DNER: variants seen among roughly 807,000 people sequenced by gnomAD.
DNER encodes the protein delta/notch like EGF repeat containing.
In DNER, 33 loss-of-function variants were observed where a neutral mutation model predicts 78.2. The observed-to-expected ratio is 0.42, with a 90% CI of 0.32 to 0.56. DNER has a LOEUF of 0.56. Among genes scored for constraint, DNER ranks in the 20% least tolerant of loss-of-function variants. The probability of loss-of-function intolerance (pLI) is 0.11; values close to 1 mark genes in which losing one functional copy is unlikely to be tolerated. For missense variants in DNER, 918 were observed against 975.3 expected, an observed-to-expected ratio of 0.94 and a Z score of 0.78; for synonymous variants, 417 against 384.8, an observed-to-expected ratio of 1.08 and a Z score of -0.98.
intron 9 of DNER, among the ~76,000 whole-genome samples, chr2:229,413,515 G>T (rs1022902448): frequency 6.6e-6 from 1 of 150,932 alleles, no homozygotes; most frequent in African/African-American, 2.4e-5. Flanking sequence ...TAGAGATGGG[G>T]TTTCACCATG....
chr2:229,714,028 C>T (rs1056699456), intron 1 of DNER, 120 bp downstream of exon 1: 3 of 1,043,044 alleles, frequency 2.9e-6, no homozygotes, highest in Non-Finnish European at 3.7e-6. Context: ...CCATCTTCTT[C>T]CCAAAGTGGG....
At chr2:229,679,482 T>C (rs771841952) in intron 1 of DNER, among the ~76,000 whole-genome samples, 37 of 152,200 alleles carry the variant, frequency 2.4e-4, no homozygotes, top group Non-Finnish European at 4.6e-4. Context: ...TACTACCCTG[T>C]CCTATTCCTT....
At chr2:229,363,985 C>CCTTT (rs1692278574) in intron 12 of DNER, among the ~76,000 whole-genome samples, 8 of 77,808 alleles carry the variant, frequency 1.0e-4, no homozygotes, top group African/African-American at 3.6e-4. Flanking sequence ...CAATTCTCTG[C>CCTTT]TTTTTTTTTT....
At chr2:229,640,986 A>C (rs1023881264) in intron 1 of DNER, among the ~76,000 whole-genome samples, 5 of 152,166 alleles carry the variant, frequency 3.3e-5, no homozygotes, top group Admixed American at 2.0e-4. Context: ...GCAAGCAGGA[A>C]GAGAAGGTGG....
intron 1 of DNER, among the ~76,000 whole-genome samples, chr2:229,693,464 G>A (rs555463338): frequency 7.2e-5 from 11 of 152,056 alleles, no homozygotes; most frequent in South Asian, 4.2e-4. Context: ...CTTTGGATCC[G>A]GAACCATTTG....
At chr2:229,536,661 T>C (rs1047766094) in intron 5 of DNER, among the ~76,000 whole-genome samples, 1 of 152,214 alleles carries the variant, frequency 6.6e-6, no homozygotes, top group Non-Finnish European at 1.5e-5. Flanking sequence ...TTTCTGCTCT[T>C]GGGCATAAAA....
At chr2:229,680,203 C>T (rs995864460) in intron 1 of DNER, among the ~76,000 whole-genome samples, 1 of 152,146 alleles carries the variant, frequency 6.6e-6, no homozygotes, top group South Asian at 2.1e-4. Flanking sequence ...TTCATCTCAA[C>T]ATATGGTCCC....
intron 6 of DNER, among the ~76,000 whole-genome samples, chr2:229,511,029 G>A (rs997909786): frequency 6.6e-6 from 1 of 152,086 alleles, no homozygotes; most frequent in Non-Finnish European, 1.5e-5. Context: ...AAGAATATAC[G>A]AAATATTAAC....
chr2:229,629,067 T>C (rs1309296508), intron 1 of DNER, among the ~76,000 whole-genome samples: 3 of 152,216 alleles, frequency 2.0e-5, no homozygotes, highest in Non-Finnish European at 4.4e-5. Context: ...TTTTGCCTGG[T>C]GGTTGGCTGA....
intron 9 of DNER, among the ~76,000 whole-genome samples, chr2:229,412,924 A>G (rs1400919616): frequency 6.6e-6 from 1 of 152,218 alleles, no homozygotes; most frequent in African/African-American, 2.4e-5. Flanking sequence ...TAGTGGAATG[A>G]TGTGGACAAG....
intron 7 of DNER, among the ~76,000 whole-genome samples, chr2:229,448,270 A>T (rs185455150): frequency 1.1e-4 from 16 of 152,354 alleles, no homozygotes; most frequent in African/African-American, 3.8e-4. Flanking sequence ...TAGGCACGAA[A>T]TACTACATAT....
At chr2:229,623,168 C>T (rs556106689) in intron 1 of DNER, among the ~76,000 whole-genome samples, 1 of 152,224 alleles carries the variant, frequency 6.6e-6, no homozygotes, top group Non-Finnish European at 1.5e-5. Flanking sequence ...GCAATAGTCC[C>T]CTCCTCTAAT....
chr2:229,438,605 C>T (rs1694174663), intron 8 of DNER, among the ~76,000 whole-genome samples: 1 of 152,186 alleles, frequency 6.6e-6, no homozygotes, highest in Admixed American at 6.5e-5. Flanking sequence ...ATAGTCGCTA[C>T]TCTAGTCAAA....
chr2:229,486,760 C>T (rs1695284495), intron 6 of DNER, among the ~76,000 whole-genome samples: 1 of 152,138 alleles, frequency 6.6e-6, no homozygotes, highest in South Asian at 2.1e-4. Context: ...TTGGATCTCT[C>T]AGTTTTTATA....
At chr2:229,511,317 T>C (rs1449406062) in intron 6 of DNER, among the ~76,000 whole-genome samples, 1 of 152,212 alleles carries the variant, frequency 6.6e-6, no homozygotes, top group Non-Finnish European at 1.5e-5. Flanking sequence ...TGGTGTTTGC[T>C]TTTAAGATGC....
At chr2:229,584,746 T>C (rs1185192627) in intron 4 of DNER, among the ~76,000 whole-genome samples, 2 of 151,944 alleles carry the variant, frequency 1.3e-5, no homozygotes, top group African/African-American at 4.8e-5. Flanking sequence ...CTGGCCAACA[T>C]GGTGAAACCC....
chr2:229,363,109 A>G (rs1559330855), intron 12 of DNER, among the ~76,000 whole-genome samples: 1 of 152,200 alleles, frequency 6.6e-6, no homozygotes, highest in African/African-American at 2.4e-5. Flanking sequence ...CTGGTCAGTT[A>G]CAAGCTCTTC....
At chr2:229,407,941 A>G (rs540635441) in intron 9 of DNER, among the ~76,000 whole-genome samples, 2 of 152,318 alleles carry the variant, frequency 1.3e-5, no homozygotes, top group South Asian at 4.1e-4. Flanking sequence ...AAAGAGTCGA[A>G]GATCACAAGC....
chr2:229,486,179 C>G (rs1231788122), intron 6 of DNER, among the ~76,000 whole-genome samples: 1 of 152,080 alleles, frequency 6.6e-6, no homozygotes, highest in Admixed American at 6.5e-5. Flanking sequence ...CAGAGGCATC[C>G]TATTTTAAAG....
Sources: gnomAD v4.1 joint callset for allele counts (sites outside exome capture counted in the v4.1 genomes callset) on GRCh38, gnomAD v4.1.1 for gene constraint, MANE v1.5 for transcripts, NCBI Gene and HGNC (gene_info 2026-07-23, HGNC 2026-07-21) for gene names.